Variants in PLCL1 observed in about 807,000 individuals in gnomAD.
PLCL1 encodes the protein phospholipase C like 1 (inactive).
In PLCL1, 41 loss-of-function variants were observed where a neutral mutation model predicts 84.4. The ratio of observed to expected loss-of-function variants is 0.49; its 90% CI spans 0.38 to 0.63. The LOEUF (loss-of-function observed/expected upper bound fraction) is 0.63, where lower values mean the gene tolerates loss of function less well. Ranked by LOEUF, PLCL1 falls within the 30% of genes least tolerant of loss-of-function variation. The pLI is 0.00. For synonymous variants in PLCL1, 490 were observed against 488.3 expected, an observed-to-expected ratio of 1.00 and a Z score of -0.05; for missense variants, 1,206 against 1,367.8, an observed-to-expected ratio of 0.88 and a Z score of 1.87.
chr2:198,127,665 G>T (rs1227229083), intron 5 of PLCL1, among the ~76,000 whole-genome samples: 1 of 152,068 alleles, frequency 6.6e-6, no homozygotes, highest in African/African-American at 2.4e-5. Context: ...TTGATGATGT[G>T]GTAAGTTTTC....
At chr2:197,820,709 A>C (rs549654718) in intron 1 of PLCL1, among the ~76,000 whole-genome samples, 127 of 152,286 alleles carry the variant, frequency 8.3e-4, no homozygotes, top group Middle Eastern at 3.4e-3. Flanking sequence ...TTAGATATTT[A>C]TTTACATAAA....
chr2:198,015,026 A>G (rs1414345788), intron 1 of PLCL1, among the ~76,000 whole-genome samples: 1 of 152,116 alleles, frequency 6.6e-6, no homozygotes, highest in Non-Finnish European at 1.5e-5. Context: ...ATGTTTAAAA[A>G]CTTATTGCCT....
chr2:197,928,829 G>A (rs571165265), intron 1 of PLCL1, among the ~76,000 whole-genome samples: 121 of 152,180 alleles, frequency 8.0e-4, no homozygotes, highest in African/African-American at 2.8e-3. Flanking sequence ...CAACAGAATC[G>A]ATTCACAATT....
Position 197,837,828 on chromosome 2 carries a change from A to G in PLCL1, c.240+32489A>G, listed in dbSNP as rs1408890376. 2.0e-5 allele frequency among the ~76,000 whole-genome samples: 3 copies of G among 152,220 alleles called. No homozygotes were observed. The East Asian group carries it at 5.8e-4, about 29-fold the overall frequency. On this transcript the variant is annotated intron_variant, in intron 1 of 5. Transcript: ENST00000428675. The stretch of plus-strand genomic sequence containing the variant: ...TGGTGCATATTGAAAGTAGAAGAAG[A>G]TATGCATCCAGTTAGAATATTATGC...
intron 1 of PLCL1, among the ~76,000 whole-genome samples, chr2:197,923,660 C>T (rs1285243886): frequency 1.3e-5 from 2 of 150,478 alleles, no homozygotes; most frequent in Non-Finnish European, 3.0e-5. Context: ...CGCAGACGCT[C>T]CTCACTTTCC....
intron 1 of PLCL1, among the ~76,000 whole-genome samples, chr2:197,838,112 C>G (rs561366446): frequency 6.6e-6 from 1 of 152,154 alleles, no homozygotes; most frequent in Non-Finnish European, 1.5e-5. Flanking sequence ...CATTTGCTCT[C>G]GGCTTGAAGG....
chr2:198,046,035 T>C (rs1427199280), intron 1 of PLCL1, among the ~76,000 whole-genome samples: 1 of 152,204 alleles, frequency 6.6e-6, no homozygotes, highest in Admixed American at 6.5e-5. Flanking sequence ...TCCCTTTTGA[T>C]GTTTTCATAG....
chr2:198,086,397 G>C (rs932374793), intron 2 of PLCL1, among the ~76,000 whole-genome samples, 165 bp downstream of exon 2: 3 of 152,126 alleles, frequency 2.0e-5, no homozygotes, highest in Non-Finnish European at 2.9e-5. Context: ...GAGGCAGGTG[G>C]ATCACTTGAG....
chr2:198,055,658 A>G (rs1559087988), intron 1 of PLCL1, among the ~76,000 whole-genome samples: 1 of 151,926 alleles, frequency 6.6e-6, no homozygotes, highest in Non-Finnish European at 1.5e-5. Context: ...AAGGCTTTTT[A>G]TCTCACAACG....
At chr2:197,930,480 A>AG (rs1362992874) in intron 1 of PLCL1, among the ~76,000 whole-genome samples, 1 of 151,998 alleles carries the variant, frequency 6.6e-6, no homozygotes, top group African/African-American at 2.4e-5. Context: ...GTGAAAACTA[A>AG]GGGGCTAAAA....
Position 198,085,040 on chromosome 2 carries a change from A to G in PLCL1, c.1523A>G (p.Lys508Arg). The change falls in exon 2 of 6, where the codon AAA becomes AGA. Residue 508 changes from lysine (K) to arginine (R), a missense_variant. Coordinates refer to ENST00000428675, the MANE Select transcript of PLCL1 (RefSeq NM_006226.4). This position sits in a 1 kb window ranked among gnomAD's most constrained non-coding sequence, Gnocchi z 5.3. ...CAGAAGGTAATGGCTCAACAGATGA[A>G]AAAGGTCTTTGGCAATAAACTCTAT... ...PQQKVMAQQMKKVFGNKLYTE... is the reference protein window; with the variant it reads ...PQQKVMAQQMRKVFGNKLYTE... 6.2e-7 allele frequency: 1 copy of G among 1,614,046 alleles called. No individual in the cohort carries two copies. The highest frequency in any genetic ancestry group is 1.1e-5 in the South Asian group (1 of 91,064).
At chr2:198,119,522 C>A (rs546918409) in intron 5 of PLCL1, among the ~76,000 whole-genome samples, 1 of 151,880 alleles carries the variant, frequency 6.6e-6, no homozygotes, top group Non-Finnish European at 1.5e-5. Flanking sequence ...CTGTTCCTGC[C>A]AACTGTGATG....
rs186355647 is a variant in PLCL1 at position 197,844,215 on chromosome 2, G to C, written c.240+38876G>C. ...AACAGTGAACCCATCTGTGTAACCA[G>C]CACCTAGATCAAGAAATAAAATGGT... On this transcript the variant is annotated intron_variant, in intron 1 of 5. Transcript: ENST00000428675. Among the ~76,000 whole-genome samples, 3 of 152,180 alleles carry C rather than the reference G, an allele frequency of 2.0e-5. No individual in the cohort carries two copies. In the East Asian group the frequency reaches 5.8e-4, roughly 29 times the overall value.
At chr2:197,912,284 T>A (rs1322214801) in intron 1 of PLCL1, among the ~76,000 whole-genome samples, 1 of 151,618 alleles carries the variant, frequency 6.6e-6, no homozygotes, top group African/African-American at 2.4e-5. Context: ...CATTAAAAAG[T>A]CAGGAAACAA....
intron 5 of PLCL1, among the ~76,000 whole-genome samples, chr2:198,126,195 C>T (rs2105932000): frequency 6.6e-6 from 1 of 152,230 alleles, no homozygotes; most frequent in African/African-American, 2.4e-5. Flanking sequence ...CTGCAGTTCT[C>T]CAAATATCCC....
At chr2:197,979,596 T>C (rs1336836615) in intron 1 of PLCL1, among the ~76,000 whole-genome samples, 1 of 152,210 alleles carries the variant, frequency 6.6e-6, no homozygotes, top group East Asian at 1.9e-4. Flanking sequence ...TGATTTCCTA[T>C]TGCTTCCAGA....
intron 1 of PLCL1, among the ~76,000 whole-genome samples, chr2:197,972,542 C>A (rs896488160): frequency 6.6e-6 from 1 of 152,136 alleles, no homozygotes; most frequent in Admixed American, 6.5e-5. Context: ...CCTTCATCAT[C>A]AGTTCACTTT....
intron 1 of PLCL1, among the ~76,000 whole-genome samples, chr2:197,936,418 A>G (rs1441786447): frequency 6.6e-6 from 1 of 152,020 alleles, no homozygotes; most frequent in Non-Finnish European, 1.5e-5. Flanking sequence ...ATATCTTTCC[A>G]GCACTTATCT....
chr2:197,909,160 A>C (rs1461566977), intron 1 of PLCL1, among the ~76,000 whole-genome samples: 1 of 152,130 alleles, frequency 6.6e-6, no homozygotes, highest in African/African-American at 2.4e-5. Flanking sequence ...TTGAGCTCGG[A>C]ATTTGTTGTT....
Sources: gnomAD v4.1 joint callset for allele counts (sites outside exome capture counted in the v4.1 genomes callset) on GRCh38, gnomAD v4.1.1 for gene constraint, Gnocchi (gnomAD v3.1) non-coding constraint, MANE v1.5 for transcripts, NCBI Gene and HGNC (gene_info 2026-07-23, HGNC 2026-07-21) for gene names.